Variants in GRHL2 observed in about 807,000 individuals in gnomAD.
GRHL2 encodes grainyhead-like protein 2 homolog.
A neutral mutation model predicts 83.8 loss-of-function variants in GRHL2; 21 were observed. The ratio of observed to expected loss-of-function variants is 0.25; its 90% CI spans 0.18 to 0.36. The LOEUF (loss-of-function observed/expected upper bound fraction) is 0.36, where lower values mean the gene tolerates loss of function less well. GRHL2 is among the 10% of genes least tolerant of loss of function. The probability of loss-of-function intolerance (pLI) is 1.00; values close to 1 mark genes in which losing one functional copy is unlikely to be tolerated. For synonymous variants in GRHL2, 280 were observed against 278.9 expected (o/e 1.00, Z -0.04); for missense variants, 623 against 781.8 (o/e 0.80, Z 2.42).
intron 1 of GRHL2, among the ~76,000 whole-genome samples, chr8:101,531,662 T>C (rs1003265979): frequency 1.4e-4 from 22 of 152,202 alleles, no homozygotes; most frequent in Non-Finnish European, 2.9e-4. Context: ...CTTGTCCTCT[T>C]CCTTTCACTT....
chr8:101,632,599 G>A (rs1813208428), intron 11 of GRHL2, among the ~76,000 whole-genome samples: 1 of 152,232 alleles, frequency 6.6e-6, no homozygotes, highest in South Asian at 2.1e-4. Flanking sequence ...TTGACAAAGC[G>A]TGGAAGAGGA....
chr8:101,525,077 G>T (rs1235775831), intron 1 of GRHL2, among the ~76,000 whole-genome samples: 1 of 152,084 alleles, frequency 6.6e-6, no homozygotes, highest in Admixed American at 6.5e-5. Context: ...TGCGTAGCTG[G>T]GATTACAGGC....
chr8:101,597,781 G>A (rs1283290908), intron 7 of GRHL2, among the ~76,000 whole-genome samples: 1 of 151,536 alleles, frequency 6.6e-6, no homozygotes, highest in Non-Finnish European at 1.5e-5. Flanking sequence ...GTATACATAT[G>A]TAACAAACCT....
intron 6 of GRHL2, among the ~76,000 whole-genome samples, chr8:101,576,672 C>G (rs1811939904): frequency 1.3e-5 from 2 of 152,106 alleles, no homozygotes; most frequent in African/African-American, 2.4e-5. Context: ...GTTTTTGGTA[C>G]TGTCTCCATT....
intron 1 of GRHL2, among the ~76,000 whole-genome samples, chr8:101,506,950 C>T (rs1053633283): frequency 9.9e-5 from 15 of 152,018 alleles, no homozygotes; most frequent in Non-Finnish European, 1.9e-4. Flanking sequence ...TGGCTACTAC[C>T]TATGATTGTG....
chr8:101,643,279 T>C (rs1367102413), intron 12 of GRHL2, among the ~76,000 whole-genome samples: 1 of 150,600 alleles, frequency 6.6e-6, no homozygotes, highest in Non-Finnish European at 1.5e-5. Context: ...CCTGCATCTG[T>C]TCCCTTGAAG....
chr8:101,570,861 T>C (rs1207786086), intron 5 of GRHL2, among the ~76,000 whole-genome samples: 1 of 152,230 alleles, frequency 6.6e-6, no homozygotes, highest in African/African-American at 2.4e-5. Flanking sequence ...AAATGCTGAA[T>C]TGTCTGTTCC....
At chr8:101,565,431 G>A (rs1313960414) in intron 4 of GRHL2, among the ~76,000 whole-genome samples, 1 of 152,176 alleles carries the variant, frequency 6.6e-6, no homozygotes, top group East Asian at 1.9e-4. Flanking sequence ...CAAGATCTCA[G>A]TGATTTAATA....
chr8:101,580,633 G>GGT (rs1311196662), intron 7 of GRHL2, among the ~76,000 whole-genome samples: 1 of 152,118 alleles, frequency 6.6e-6, no homozygotes, highest in Non-Finnish European at 1.5e-5. Context: ...TGTGATAAGT[G>GGT]GTATGTAGGT....
At position 101,666,631 on chromosome 8, in the gene GRHL2, G is replaced by A. The variant is rs61732855; in HGVS notation, c.1806G>A (p.Ser602=). 4.0e-5 allele frequency: 65 copies of A among 1,613,492 alleles called. No homozygotes were observed. In the African/African-American group the frequency reaches 6.3e-4, roughly 16 times the overall value. Residue 602 remains serine (S), a synonymous_variant, in exon 16 of 16, where the codon TCG becomes TCA. Transcript: ENST00000646743. Reference sequence around the variant, plus strand: ...ATGACAACATCATCGAGCACTACTCGAACGAGGACACCTTCATCCTCAACA... The same window carrying A: ...ATGACAACATCATCGAGCACTACTCAAACGAGGACACCTTCATCCTCAACA... ...NMDDNIIEHY[S]NEDTFILNME... is the part of the protein sequence containing the mutation.
At chr8:101,519,185 ATT>A (rs573866039) in intron 1 of GRHL2, among the ~76,000 whole-genome samples, 1 of 143,050 alleles carries the variant, frequency 7.0e-6, no homozygotes, top group East Asian at 2.0e-4. Context: ...TTCTTCATTG[ATT>A]TTTTTTTTTT....
At chr8:101,604,017 TGC>T (rs1812573845) in intron 8 of GRHL2, among the ~76,000 whole-genome samples, 2 of 43,230 alleles carry the variant, frequency 4.6e-5, no homozygotes, top group African/African-American at 2.7e-4. Context: ...GTTTTTTTTT[TGC>T]AAAAAAAAAA....
intron 2 of GRHL2, 102 bp from the exon 3 acceptor site, chr8:101,552,613 G>C: frequency 1.9e-6 from 2 of 1,046,508 alleles, no homozygotes; most frequent in Non-Finnish European, 3.0e-6. Flanking sequence ...ATTTCCTGGA[G>C]AACATTCCAT....
chr8:101,528,050 C>A (rs1810843356), intron 1 of GRHL2, among the ~76,000 whole-genome samples: 1 of 152,124 alleles, frequency 6.6e-6, no homozygotes, highest in Non-Finnish European at 1.5e-5. Context: ...CGGTGCCTTG[C>A]CAATACTCAA....
chr8:101,580,958 C>T (rs1265669003), intron 7 of GRHL2, among the ~76,000 whole-genome samples: 3 of 152,228 alleles, frequency 2.0e-5, no homozygotes, highest in Non-Finnish European at 1.5e-5. Context: ...CCGTCTCAGC[C>T]TCCCAAAGTG....
chr8:101,617,555 A>C (rs1812880737), intron 8 of GRHL2, among the ~76,000 whole-genome samples: 2 of 151,942 alleles, frequency 1.3e-5, no homozygotes, highest in African/African-American at 4.8e-5. Flanking sequence ...CCAGGTTGGG[A>C]GTGTAGTGGC....
rs185126888 is a variant in GRHL2, at chr8:101,572,765, G to A, written c.735-903G>A. Among the ~76,000 whole-genome samples, 378 of 152,258 alleles carry A rather than the reference G, an allele frequency of 2.5e-3. 3 individuals carry two copies. The highest frequency in any genetic ancestry group is 8.5e-3 in the African/African-American group (355 of 41,556). The stretch of plus-strand genomic sequence containing the variant: ...ATTTTAAATAATTGATATACTCTTC[G>A]AAGTTGGGAAAAATCAGTGTTTTTC... On this transcript the variant is annotated intron_variant, in intron 5 of 15. Transcript: ENST00000646743.
At chr8:101,515,941 T>C (rs147306564) in intron 1 of GRHL2, among the ~76,000 whole-genome samples, 107 of 152,336 alleles carry the variant, frequency 7.0e-4, no homozygotes, top group Middle Eastern at 6.8e-3. Flanking sequence ...GAATGACATC[T>C]GTGAGGGTTC....
intron 7 of GRHL2, among the ~76,000 whole-genome samples, chr8:101,585,957 T>A (rs1383608977): frequency 2.6e-5 from 4 of 151,976 alleles, no homozygotes; most frequent in African/African-American, 9.7e-5. Context: ...TCCCTCTGGT[T>A]CCCTCCAGGG....
Sources: allele counts gnomAD v4.1 joint callset (sites outside exome capture counted in the v4.1 genomes callset), GRCh38; gene constraint gnomAD v4.1.1; transcripts MANE v1.5; gene names NCBI Gene and HGNC (gene_info 2026-07-23, HGNC 2026-07-21).